SV2C: variants seen among roughly 807,000 people sequenced by gnomAD.
The protein encoded by SV2C is solute carrier family 22 member B3.
In SV2C, 49 loss-of-function variants were observed where a neutral mutation model predicts 79.7. That is an observed-to-expected ratio of 0.61 (90% confidence interval 0.49 to 0.78). The LOEUF is 0.78. Ranked by LOEUF, SV2C falls within the 30% of genes least tolerant of loss-of-function variation. The pLI, the probability that SV2C is intolerant of heterozygous loss-of-function variation, is 0.00. For synonymous variants in SV2C, 334 were observed against 333.2 expected (o/e 1.00, Z -0.03); for missense variants, 833 against 912.9 (o/e 0.91, Z 1.13).
chr5:76,035,955 G>A, the SV2C span, among the ~76,000 whole-genome samples: 1 of 152,088 alleles, frequency 6.6e-6, no homozygotes. Context: ...ATATATTTAG[G>A]ATAGTTAGCT....
At chr5:76,018,326 CTT>C in the SV2C span, among the ~76,000 whole-genome samples, 169 of 152,246 alleles carry the variant, frequency 1.1e-3, no homozygotes, top group Non-Finnish European at 2.1e-3. Context: ...TGACTTATCT[CTT>C]TCCTAAAAAG....
intron 2 of SV2C, among the ~76,000 whole-genome samples, chr5:76,165,745 T>G (rs1045185241): frequency 1.3e-5 from 2 of 152,180 alleles, no homozygotes; most frequent in Admixed American, 6.5e-5. Flanking sequence ...TTTGTTGGTG[T>G]ATTTGTTGTT....
the SV2C span, among the ~76,000 whole-genome samples, chr5:75,906,425 C>T: frequency 0.017 from 2,500 of 148,912 alleles, 36 homozygotes; most frequent in African/African-American, 0.044. Flanking sequence ...AGGAGGTTTT[C>T]ATGTCTGCTT....
At chr5:75,994,832 CA>C in the SV2C span, among the ~76,000 whole-genome samples, 2 of 152,104 alleles carry the variant, frequency 1.3e-5, no homozygotes, top group Admixed American at 1.3e-4. Flanking sequence ...AGAACGAGGA[CA>C]GCTAGTGTTA....
chr5:76,177,031 C>T (rs913670214), intron 2 of SV2C, among the ~76,000 whole-genome samples: 6 of 151,322 alleles, frequency 4.0e-5, no homozygotes, highest in South Asian at 2.1e-4. Context: ...AGGAGAATGG[C>T]GTGAACCCGG....
the SV2C span, among the ~76,000 whole-genome samples, chr5:75,905,004 A>G: frequency 2.0e-5 from 3 of 152,228 alleles, no homozygotes; most frequent in African/African-American, 7.2e-5. Context: ...ACTTCAAATG[A>G]TTATCACTGA....
the SV2C span, among the ~76,000 whole-genome samples, chr5:75,976,111 C>A: frequency 6.6e-6 from 1 of 152,020 alleles, no homozygotes; most frequent in Non-Finnish European, 1.5e-5. Flanking sequence ...TATAGTTAAT[C>A]GAAAATTGTA....
the SV2C span, among the ~76,000 whole-genome samples, chr5:76,012,376 A>G: frequency 6.6e-6 from 1 of 152,046 alleles, no homozygotes; most frequent in African/African-American, 2.4e-5. Context: ...TGATCTTTTT[A>G]TCATATGTTT....
the SV2C span, among the ~76,000 whole-genome samples, chr5:75,946,757 A>G: frequency 0.027 from 4,156 of 152,154 alleles, 167 homozygotes; most frequent in African/African-American, 0.092. Context: ...AGTGGCTGCC[A>G]GGGGGTAGGG....
the SV2C span, among the ~76,000 whole-genome samples, chr5:76,005,391 A>T: frequency 6.6e-6 from 1 of 152,180 alleles, no homozygotes; most frequent in Admixed American, 6.6e-5. Context: ...CGCTCTTCTC[A>T]TTTCTTACCC....
chr5:76,062,881 CA>C, the SV2C span, among the ~76,000 whole-genome samples: 2 of 152,132 alleles, frequency 1.3e-5, no homozygotes, highest in Non-Finnish European at 2.9e-5. Context: ...GAGAATAAAG[CA>C]ATACCTCTTT....
the SV2C span, among the ~76,000 whole-genome samples, chr5:76,067,791 G>A: frequency 6.6e-6 from 1 of 151,728 alleles, no homozygotes; most frequent in East Asian, 1.9e-4. Context: ...TTATTCATGT[G>A]GTTGTCACAA....
chr5:75,956,850 T>C, the SV2C span, among the ~76,000 whole-genome samples: 11 of 151,972 alleles, frequency 7.2e-5, no homozygotes, highest in Admixed American at 6.6e-5. Context: ...TCAATGACTA[T>C]AAAACATGCA....
the SV2C span, among the ~76,000 whole-genome samples, chr5:75,991,297 T>G: frequency 6.6e-6 from 1 of 151,832 alleles, no homozygotes; most frequent in Non-Finnish European, 1.5e-5. Flanking sequence ...CAATTTCCTA[T>G]TGAGTTATTA....
At chr5:75,866,526 T>C in the SV2C span, among the ~76,000 whole-genome samples, 3 of 152,162 alleles carry the variant, frequency 2.0e-5, no homozygotes, top group Admixed American at 1.3e-4. Flanking sequence ...TTATAAGTGA[T>C]AGAACTGAAA....
the SV2C span, among the ~76,000 whole-genome samples, chr5:76,062,359 C>G: frequency 1.3e-5 from 2 of 152,058 alleles, no homozygotes; most frequent in African/African-American, 4.8e-5. Context: ...TTTTGCCCTT[C>G]CATCTTCTGC....
chr5:76,099,781 A>G (rs1276580348), intron 1 of SV2C, among the ~76,000 whole-genome samples: 1 of 152,204 alleles, frequency 6.6e-6, no homozygotes, highest in Non-Finnish European at 1.5e-5. Flanking sequence ...TTTTCTGATC[A>G]TACCAGGTTT....
the SV2C span, among the ~76,000 whole-genome samples, chr5:76,077,177 T>TAAAA: frequency 6.6e-6 from 1 of 150,764 alleles, no homozygotes; most frequent in African/African-American, 2.4e-5. Context: ...TAGTTTCATT[T>TAAAA]AAAAAAAAAC....
chr5:76,031,958 C>T, the SV2C span, among the ~76,000 whole-genome samples: 3 of 152,114 alleles, frequency 2.0e-5, no homozygotes, highest in Admixed American at 2.0e-4. Flanking sequence ...CATAGCCCAG[C>T]CTGAGTAAGA....
Sources: allele counts gnomAD v4.1 joint callset (sites outside exome capture counted in the v4.1 genomes callset), GRCh38; gene constraint gnomAD v4.1.1; transcripts MANE v1.5; gene names NCBI Gene and HGNC (gene_info 2026-07-23, HGNC 2026-07-21).